The following EPB41L3 variants were observed in gnomAD, a reference collection of about 807,000 sequenced individuals.
EPB41L3 encodes erythrocyte membrane protein band 4.1 like 3.
A neutral mutation model predicts 127.1 loss-of-function variants in EPB41L3; 57 were observed. The observed-to-expected ratio is 0.45, with a 90% CI of 0.36 to 0.56. EPB41L3 has a LOEUF of 0.56. Ranked by LOEUF, EPB41L3 falls within the 20% of genes least tolerant of loss-of-function variation. The pLI, the probability that EPB41L3 is intolerant of heterozygous loss-of-function variation, is 0.00. For synonymous variants in EPB41L3, 572 were observed against 549.5 expected (o/e 1.04, Z -0.57); for missense variants, 1,273 against 1,372.2 (o/e 0.93, Z 1.14).
intron 20 of EPB41L3, 36 bp from the exon 21 acceptor site, chr18:5,395,183 C>T: frequency 6.4e-7 from 1 of 1,573,182 alleles, no homozygotes; most frequent in East Asian, 2.2e-5. Context: ...TGAATTTACT[C>T]ACTGGGAGAA....
chr18:5,590,083 G>T (rs192485762), intron 3 of EPB41L3, among the ~76,000 whole-genome samples: 1 of 152,290 alleles, frequency 6.6e-6, no homozygotes, highest in African/African-American at 2.4e-5. Flanking sequence ...AAGGAGGAAG[G>T]AGAAAATGGG....
At position 5,567,632 on chromosome 18, in the gene EPB41L3, AGAAG is replaced by A. The variant is rs565140894; in HGVS notation, c.-306+44704_-306+44707del. ...GATAGGCAAGGAAGGAAGGAAGGAA[AGAAG>A]GAAGGAAGGAAGAAAGGAAGGAAGG... On this transcript the variant is annotated intron_variant, in intron 3 of 21. Transcript: ENST00000545076. Among the ~76,000 whole-genome samples the A allele has an allele frequency of 2.9e-3, 441 of 152,128 alleles. 2 individuals are homozygous for A. The highest frequency in any genetic ancestry group is 0.01 in the African/African-American group (432 of 41,524).
At chr18:5,540,749 G>A (rs1029767305) in intron 1 of EPB41L3, among the ~76,000 whole-genome samples, 3 of 152,142 alleles carry the variant, frequency 2.0e-5, no homozygotes, top group Non-Finnish European at 4.4e-5. Context: ...GGTACTTAGG[G>A]GAGACTATGG....
At chr18:5,446,668 C>T (rs1169351538) in intron 3 of EPB41L3, among the ~76,000 whole-genome samples, 1 of 152,128 alleles carries the variant, frequency 6.6e-6, no homozygotes, top group African/African-American at 2.4e-5. Flanking sequence ...ATTACGCAGT[C>T]CCCTCAAGCA....
At chr18:5,459,313 T>C (rs1342297053) in intron 3 of EPB41L3, among the ~76,000 whole-genome samples, 3 of 151,968 alleles carry the variant, frequency 2.0e-5, no homozygotes, top group African/African-American at 7.2e-5. Context: ...GCCTAGATAT[T>C]GTAACCATCT....
intron 1 of EPB41L3, among the ~76,000 whole-genome samples, chr18:5,510,947 A>G (rs966168513): frequency 6.6e-5 from 10 of 152,168 alleles, no homozygotes; most frequent in Non-Finnish European, 1.5e-4. Flanking sequence ...ATTGTAGGCA[A>G]TCAGTTAAAA....
rs1261692832 is a variant in EPB41L3 at position 5,550,116 on chromosome 18, C to CTTGG, written c.-305-60956_-305-60955insCCAA. Among the ~76,000 whole-genome samples the CTTGG allele has an allele frequency of 5.3e-5, 8 of 152,274 alleles. No individual in the cohort carries two copies. The East Asian group carries it at 1.2e-3, about 22-fold the overall frequency. On this transcript the variant is annotated intron_variant, in intron 3 of 21. Coordinates refer to the EPB41L3 transcript ENST00000545076. ...TCTGACCTTAATTTCCAAGTTTTTA[C>CTTGG]AAAGTTGCCAAGGGATGTCTCATTA...
chr18:5,427,099 C>T (rs982790559), intron 9 of EPB41L3, among the ~76,000 whole-genome samples: 1 of 151,980 alleles, frequency 6.6e-6, no homozygotes, highest in African/African-American at 2.4e-5. Flanking sequence ...AATCCTTGGG[C>T]CCAGGTGATT....
At chr18:5,611,581 T>G (rs775691964) in intron 3 of EPB41L3, among the ~76,000 whole-genome samples, 1 of 152,204 alleles carries the variant, frequency 6.6e-6, no homozygotes, top group Non-Finnish European at 1.5e-5. Context: ...ACTATTTATT[T>G]TGAACTTTTA....
intron 3 of EPB41L3, among the ~76,000 whole-genome samples, chr18:5,460,452 GATAT>G (rs761558058): frequency 2.0e-5 from 3 of 152,040 alleles, no homozygotes; most frequent in Non-Finnish European, 4.4e-5. Context: ...TAAAAAATGT[GATAT>G]ATATATACAC....
upstream of EPB41L3, among the ~76,000 whole-genome samples, chr18:5,547,722 A>G (rs2093903952): frequency 6.6e-6 from 1 of 152,160 alleles, no homozygotes; most frequent in Non-Finnish European, 1.5e-5. Context: ...TGGATCCCCC[A>G]TGAACCTCTA....
intron 3 of EPB41L3, among the ~76,000 whole-genome samples, chr18:5,552,175 G>T (rs1719962): frequency 0.23 from 35,761 of 152,190 alleles, 5,780 homozygotes; most frequent in African/African-American, 0.46. Flanking sequence ...GAACAGGCTG[G>T]GTTTGCTTGG....
At chr18:5,490,818 A>C (rs1442752278) in intron 1 of EPB41L3, among the ~76,000 whole-genome samples, 1 of 152,170 alleles carries the variant, frequency 6.6e-6, no homozygotes, top group East Asian at 1.9e-4. Flanking sequence ...TTCTGATCAA[A>C]CTCCATCTTT....
chr18:5,542,237 T>C (rs963752629), intron 1 of EPB41L3, among the ~76,000 whole-genome samples: 9 of 152,258 alleles, frequency 5.9e-5, no homozygotes, highest in African/African-American at 1.4e-4. Flanking sequence ...CTTTTCTTAA[T>C]AGGGCTTTTC....
chr18:5,434,081 C>T lies in EPB41L3; in HGVS notation c.646G>A (p.Gly216Arg), dbSNP rs778271797. 20 of 1,613,998 alleles carry T rather than the reference C, an allele frequency of 1.2e-5. No individual in the cohort carries two copies. The highest frequency in any genetic ancestry group is 4.5e-5 in the East Asian group (2 of 44,884). The change falls in exon 7 of 23, where the codon GGA becomes AGA. Residue 216 changes from glycine to arginine, a missense_variant. This residue lies in a region of EPB41L3 where 326 missense variants were observed against 440.2 expected (regional missense o/e 0.74). Coordinates refer to ENST00000341928, the MANE Select transcript of EPB41L3 (RefSeq NM_012307.5). The part of the protein sequence containing the change: ...CLQLRDDIVS[G>R]RLPCSFVTLA... ...GTAACAAAGGAGCAGGGCAGCCTTCCGGACACGATGTCATCTCGCAACTGC... is the reference window on the plus strand; with the variant it reads ...GTAACAAAGGAGCAGGGCAGCCTTCTGGACACGATGTCATCTCGCAACTGC...
In EPB41L3 at chr18:5,402,284, C is replaced by CT. The variant is rs796566366; in HGVS notation, c.2350-4142dup. ...TTAAATGTGGATTTTGTTTCTTTTC[C>CT]TTTTTTTTTTGCTTTTAATCATAGC... On this transcript the variant is annotated intron_variant, in intron 16 of 22. Coordinates refer to ENST00000341928, the MANE Select transcript of EPB41L3 (RefSeq NM_012307.5). Among the ~76,000 whole-genome samples, 961 of 145,538 alleles carry CT rather than the reference C, an allele frequency of 6.6e-3. 3 individuals are homozygous for CT. The highest frequency in any genetic ancestry group is 0.011 in the Non-Finnish European group (719 of 65,892).
upstream of EPB41L3, among the ~76,000 whole-genome samples, chr18:5,629,974 C>A (rs2094973550): frequency 6.6e-6 from 1 of 152,190 alleles, no homozygotes; most frequent in South Asian, 2.1e-4. Flanking sequence ...GGGATGACGT[C>A]CTCCAGGGCC....
At chr18:5,453,334 G>T (rs185489697) in intron 3 of EPB41L3, among the ~76,000 whole-genome samples, 1 of 152,302 alleles carries the variant, frequency 6.6e-6, no homozygotes, top group South Asian at 2.1e-4. Context: ...AGAGAATGAG[G>T]AGAGCAAGTT....
chr18:5,455,031 A>C (rs1217505210), intron 3 of EPB41L3, among the ~76,000 whole-genome samples: 1 of 152,222 alleles, frequency 6.6e-6, no homozygotes, highest in African/African-American at 2.4e-5. Context: ...TCTGAGCTTC[A>C]TTGTTTTCAT....
Sources: gnomAD v4.1 joint callset for allele counts (sites outside exome capture counted in the v4.1 genomes callset) on GRCh38, gnomAD v4.1.1 for gene constraint, gnomAD v4.1.1 regional missense constraint, MANE v1.5 for transcripts, NCBI Gene and HGNC (gene_info 2026-07-23, HGNC 2026-07-21) for gene names.